The following DEGS1 variants were observed in gnomAD, a reference collection of about 807,000 sequenced individuals.
The protein encoded by DEGS1 is sphingolipid delta(4)-desaturase DES1.
Under a neutral mutation model 24.1 loss-of-function variants are expected in DEGS1, and 17 were observed. The ratio of observed to expected loss-of-function variants is 0.70; its 90% CI spans 0.48 to 1.06. DEGS1 has a LOEUF of 1.06. Ranked by LOEUF, DEGS1 falls within the 50% of genes least tolerant of loss-of-function variation. The pLI is 0.00. For synonymous variants in DEGS1, 134 were observed against 140.0 expected (o/e 0.96, Z 0.30); for missense variants, 366 against 408.9 (o/e 0.90, Z 0.91).
rs1658572404 is a variant in DEGS1 at position 224,192,639 on chromosome 1, T to A, written c.*161T>A. On this transcript the variant is annotated 3_prime_UTR_variant, in exon 3 of 3. Transcript: ENST00000323699. ...AGAAGTGAATCTGGCTTTTAAACAG[T>A]CAGCCTGACTCTGTACTGCTCAGTT... The A allele has an allele frequency of 2.8e-5, 18 of 646,946 alleles. No individual in the cohort carries two copies. In the East Asian group the frequency reaches 5.0e-4, roughly 18 times the overall value. The allele number at this position is 646,946 out of a possible 1,614,324, so 40.1% of individuals were successfully genotyped here. A position where few individuals can be genotyped will look rare whatever the true frequency, so the allele number is the denominator to read the frequency against.
In DEGS1 at chr1:224,189,561, TG is replaced by T; in HGVS notation, c.83-15del. Reference sequence around the variant, plus strand: ...ATACTTTTCTTAGTTCCTGTTTTTTTGTTTTTTCTTTACAGCAAAGTATCCA... The same window carrying T: ...ATACTTTTCTTAGTTCCTGTTTTTTTTTTTTTCTTTACAGCAAAGTATCCA... On this transcript the variant is annotated splice_polypyrimidine_tract_variant and intron_variant, in intron 1 of 2. Transcript: ENST00000323699. 1 of 1,542,138 alleles carries T rather than the reference TG, an allele frequency of 6.5e-7. No homozygotes were observed. Among genetic ancestry groups the T allele is most frequent in the Admixed American group, 2.2e-5 (1 of 45,422 alleles).
At chr1:224,192,209 A>T in intron 2 of DEGS1, 123 bp from the exon 3 acceptor site, 4 of 687,268 alleles carry the variant, frequency 5.8e-6, no homozygotes, top group Non-Finnish European at 6.8e-6. Context: ...TTTTTTTAAG[A>T]GAGAGGAGGG....
rs1268311945 is a variant in DEGS1 at position 224,190,137 on chromosome 1, G to T, written c.643G>T (p.Ala215Ser). 18 of 1,608,244 alleles carry T rather than the reference G, an allele frequency of 1.1e-5. No homozygotes were observed. Among genetic ancestry groups the T allele is most frequent in the Non-Finnish European group, 1.5e-5 (18 of 1,177,148 alleles). The change falls in exon 2 of 3, where the codon GCA (alanine) becomes TCA (serine). Residue 215 changes from alanine to serine, a missense_variant. Physicochemically the swap from Ala to Ser is moderately conservative, Grantham distance 99 (BLOSUM62 1). Coordinates refer to ENST00000323699, the MANE Select transcript of DEGS1 (RefSeq NM_003676.4). ...GIKSLVYMLA[A>S]SLLGLGLHPI... ...TAAATCCTTAGTCTACATGTTGGCA[G>T]CATCTTTACTTGGCCTGGGTTTGCA...
chr1:224,191,841 C>G (rs541110989), intron 2 of DEGS1, among the ~76,000 whole-genome samples: 5 of 152,110 alleles, frequency 3.3e-5, no homozygotes. Context: ...AGGTGATCCA[C>G]CCGCCTCGGC....
intron 1 of DEGS1, chr1:224,183,813 TCCTCCGGA>T (rs1211193856): frequency 6.4e-6 from 1 of 157,150 alleles, no homozygotes; most frequent in East Asian, 1.8e-4. Context: ...CCACTCCCTC[TCCTCCGGA>T]GCGGGCCGAG....
At chr1:224,186,828 G>T (rs935278038) in intron 1 of DEGS1, among the ~76,000 whole-genome samples, 2 of 152,008 alleles carry the variant, frequency 1.3e-5, no homozygotes, top group Non-Finnish European at 2.9e-5. Context: ...GGTGGGAGAT[G>T]GAATAACCTG....
chr1:224,184,766 T>G (rs910478156), intron 1 of DEGS1, among the ~76,000 whole-genome samples: 7 of 152,134 alleles, frequency 4.6e-5, no homozygotes, highest in African/African-American at 1.7e-4. Context: ...TCCGCCCGCC[T>G]TGGCCTCCCG....
chr1:224,193,354 C>T lies in DEGS1; in HGVS notation c.*876C>T, dbSNP rs116538614. 4.6e-5 allele frequency: 7 copies of T among 152,144 alleles called. No individual in the cohort carries two copies. Among genetic ancestry groups the T allele is most frequent in the Non-Finnish European group, 1.0e-4 (7 of 68,028 alleles). 9.4% of individuals were successfully genotyped at this position (152,144 alleles called of 1,614,324 possible). On this transcript the variant is annotated 3_prime_UTR_variant, in exon 3 of 3. Coordinates refer to ENST00000323699, the MANE Select transcript of DEGS1 (RefSeq NM_003676.4). ...TGAATTACTCATTTAAAAATTTTAA[C>T]TTCTATATGGGACCCGAATTAGACA...
chr1:224,192,378 A>G lies in DEGS1; in HGVS notation c.872A>G (p.Asn291Ser). 6.2e-7 allele frequency: 1 copy of G among 1,613,748 alleles called. No individual in the cohort carries two copies. The highest frequency in any genetic ancestry group is 8.5e-7 in the Non-Finnish European group (1 of 1,179,856). ...TACTATGACAACCTCCCTCACTACA[A>G]TTCCTGGATAAAAGTACTGTATGAT... ...AEYYDNLPHYNSWIKVLYDFV... is the reference protein window; with the variant it reads ...AEYYDNLPHYSSWIKVLYDFV... The change falls in exon 3 of 3, where the codon AAT (asparagine) becomes AGT (serine). Residue 291 changes from asparagine (N) to serine (S), a missense_variant. Asn to Ser is a conservative substitution (Grantham distance 46, BLOSUM62 1). Transcript: ENST00000323699.
intron 1 of DEGS1, among the ~76,000 whole-genome samples, chr1:224,186,913 C>T (rs533562819): frequency 1.3e-5 from 2 of 151,896 alleles, no homozygotes; most frequent in South Asian, 2.1e-4. Context: ...GACTTTTTGG[C>T]GGGGGAGGGA....
At chr1:224,187,580 C>T (rs1658428492) in intron 1 of DEGS1, among the ~76,000 whole-genome samples, 1 of 152,168 alleles carries the variant, frequency 6.6e-6, no homozygotes, top group South Asian at 2.1e-4. Context: ...GTCTTGAACA[C>T]TGGGCCTCAG....
rs1658576215 is a variant in DEGS1, at chr1:224,192,737, A to G, written c.*259A>G. ...TTTCACTCATGTCTGTCATTTTATA[A>G]GCATATCATTTAAAAAGCTTCTAAA... On this transcript the variant is annotated 3_prime_UTR_variant, in exon 3 of 3. Coordinates refer to ENST00000323699, the MANE Select transcript of DEGS1 (RefSeq NM_003676.4). 2.5e-6 allele frequency: 1 copy of G among 392,620 alleles called. No homozygotes were observed. Among genetic ancestry groups the G allele is most frequent in the Non-Finnish European group, 4.5e-6 (1 of 222,010 alleles). The allele number at this position is 392,620 out of a possible 1,614,324, so 24.3% of individuals were successfully genotyped here. A position where few individuals can be genotyped will look rare whatever the true frequency, so the allele number is the denominator to read the frequency against.
intron 1 of DEGS1, among the ~76,000 whole-genome samples, chr1:224,188,523 CTTTT>C (rs1015241343): frequency 6.6e-6 from 1 of 152,026 alleles, no homozygotes; most frequent in Non-Finnish European, 1.5e-5. Context: ...TTTTACCTAC[CTTTT>C]TTTATTATAG....
rs996302558 is a variant in DEGS1 at position 224,183,255 on chromosome 1, G to C, written c.-82G>C. 28 of 1,297,540 alleles carry C rather than the reference G, an allele frequency of 2.2e-5. No homozygotes were observed. Among genetic ancestry groups the C allele is most frequent in the Non-Finnish European group, 2.6e-5 (25 of 968,792 alleles). 80.4% of individuals were successfully genotyped at this position (1,297,540 alleles called of 1,614,324 possible). A position where few individuals can be genotyped will look rare whatever the true frequency, so the allele number is the denominator to read the frequency against. ...GCCGGCCGACACCACACCAGCCGGG[G>C]AGCCGCCGCCGCCGCCGCCACCTCT... On this transcript the variant is annotated 5_prime_UTR_variant, in exon 1 of 3. Coordinates refer to ENST00000323699, the MANE Select transcript of DEGS1 (RefSeq NM_003676.4).
At chr1:224,188,787 C>T (rs1354489792) in intron 1 of DEGS1, among the ~76,000 whole-genome samples, 1 of 152,092 alleles carries the variant, frequency 6.6e-6, no homozygotes, top group Non-Finnish European at 1.5e-5. Context: ...TGTCTTTTTA[C>T]TTTCTTGACA....
intron 2 of DEGS1, 44 bp from the exon 3 acceptor site, chr1:224,192,288 T>C: frequency 6.4e-7 from 1 of 1,574,404 alleles, no homozygotes; most frequent in Non-Finnish European, 8.6e-7. Flanking sequence ...TGAAAGAACC[T>C]AGTAACACTC....
In DEGS1 at chr1:224,189,670, A is replaced by C. The variant is rs773546469; in HGVS notation, c.176A>C (p.Tyr59Ser). 1.2e-5 allele frequency: 19 copies of C among 1,614,048 alleles called. No individual in the cohort carries two copies. Among genetic ancestry groups the C allele is most frequent in the Non-Finnish European group, 1.5e-5 (18 of 1,180,024 alleles). ...GTTCTCACCCAGTTGGGTGCATTTT[A>C]CATAGTAAAAGACTTGGACTGGAAA... Reference protein sequence around the residue: ...MMVLTQLGAFYIVKDLDWKWV... With the variant: ...MMVLTQLGAFSIVKDLDWKWV... Residue 59 changes from tyrosine to serine, a missense_variant, in exon 2 of 3, where the codon TAC becomes TCC. By Grantham distance (144) the Tyr-to-Ser change is moderately radical (BLOSUM62 -2). Coordinates refer to ENST00000323699, the MANE Select transcript of DEGS1 (RefSeq NM_003676.4).
intron 1 of DEGS1, among the ~76,000 whole-genome samples, chr1:224,187,692 T>C (rs1658431850): frequency 6.6e-6 from 1 of 152,086 alleles, no homozygotes; most frequent in South Asian, 2.1e-4. Flanking sequence ...TATCATGATT[T>C]ATTCATTTAA....
intron 1 of DEGS1, among the ~76,000 whole-genome samples, chr1:224,184,456 G>A (rs1168680547): frequency 8.4e-6 from 1 of 118,746 alleles, no homozygotes; most frequent in African/African-American, 2.7e-5. Flanking sequence ...TCCAGAGCAC[G>A]TGTTTGTTTT....
Sources: gnomAD v4.1 joint callset for allele counts (sites outside exome capture counted in the v4.1 genomes callset) on GRCh38, gnomAD v4.1.1 for gene constraint, MANE v1.5 for transcripts, NCBI Gene and HGNC (gene_info 2026-07-23, HGNC 2026-07-21) for gene names.